SPAG16: variants seen among roughly 807,000 people sequenced by gnomAD.
The protein encoded by SPAG16 is sperm-associated antigen 16 protein.
SPAG16 carries 86 observed loss-of-function variants against 80.4 expected under a neutral mutation model. That is an observed-to-expected ratio of 1.07 (90% CI 0.90 to 1.28). The LOEUF (loss-of-function observed/expected upper bound fraction) is 1.28, where lower values mean the gene tolerates loss of function less well. Ranked by LOEUF, SPAG16 falls within the 50% of genes most tolerant of loss-of-function variation. SPAG16 has a pLI of 0.00. For missense variants in SPAG16, 870 were observed against 765.3 expected, an observed-to-expected ratio of 1.14 and a Z score of -1.61; for synonymous variants, 294 against 265.9, an observed-to-expected ratio of 1.11 and a Z score of -1.03.
intron 8 of SPAG16, 74 bp from the exon 9 acceptor site, chr2:213,374,936 T>C: frequency 9.1e-7 from 1 of 1,094,044 alleles, no homozygotes; most frequent in African/African-American, 1.6e-5. Context: ...GTTTTGGTTT[T>C]CATATTTTTG....
chr2:213,610,997 A>T (rs1194415053), intron 10 of SPAG16, among the ~76,000 whole-genome samples: 3 of 152,168 alleles, frequency 2.0e-5, no homozygotes, highest in Non-Finnish European at 4.4e-5. Context: ...AGAGGCCAGG[A>T]ACACCTTTCT....
chr2:213,456,126 G>T (rs2071997876), intron 9 of SPAG16, among the ~76,000 whole-genome samples: 1 of 152,152 alleles, frequency 6.6e-6, no homozygotes, highest in Admixed American at 6.5e-5. Context: ...TGTGCGTAAG[G>T]TATTTTAAAA....
At chr2:213,379,680 A>G (rs553368721) in intron 9 of SPAG16, among the ~76,000 whole-genome samples, 4 of 152,276 alleles carry the variant, frequency 2.6e-5, no homozygotes, top group African/African-American at 7.2e-5. Flanking sequence ...AGTATAATCA[A>G]TCTGCCATCA....
intron 9 of SPAG16, among the ~76,000 whole-genome samples, chr2:213,387,889 A>G (rs2125277322): frequency 6.6e-6 from 1 of 152,260 alleles, no homozygotes; most frequent in South Asian, 2.1e-4. Flanking sequence ...AAATATTATA[A>G]AGATCTAGTA....
intron 9 of SPAG16, among the ~76,000 whole-genome samples, chr2:213,382,105 G>A (rs1157108726): frequency 2.6e-5 from 4 of 151,996 alleles, no homozygotes; most frequent in African/African-American, 4.8e-5. Flanking sequence ...TCACAAAGCC[G>A]TAGGTATAGT....
chr2:213,969,558 C>T (rs1343726477), intron 12 of SPAG16, among the ~76,000 whole-genome samples: 1 of 152,134 alleles, frequency 6.6e-6, no homozygotes, highest in Non-Finnish European at 1.5e-5. Flanking sequence ...CCTTCCTTGC[C>T]TTCTGCTGTG....
chr2:214,212,474 T>C (rs1052064685), intron 15 of SPAG16, among the ~76,000 whole-genome samples: 3 of 152,152 alleles, frequency 2.0e-5, no homozygotes, highest in African/African-American at 7.2e-5. Flanking sequence ...CACTACCTGA[T>C]ACACGGGTTA....
At chr2:213,780,444 C>A (rs1342040685) in intron 10 of SPAG16, among the ~76,000 whole-genome samples, 1 of 151,924 alleles carries the variant, frequency 6.6e-6, no homozygotes, top group African/African-American at 2.4e-5. Flanking sequence ...GTACCTTTTT[C>A]TCTTATTATT....
At chr2:213,853,449 G>GAA (rs1013448530) in intron 10 of SPAG16, among the ~76,000 whole-genome samples, 1 of 151,950 alleles carries the variant, frequency 6.6e-6, no homozygotes, top group African/African-American at 2.4e-5. Flanking sequence ...TATTATAAAC[G>GAA]AAAAAAATCT....
chr2:214,139,424 G>A (rs182067716), intron 14 of SPAG16, among the ~76,000 whole-genome samples: 105 of 151,798 alleles, frequency 6.9e-4, no homozygotes, highest in South Asian at 1.7e-3. Flanking sequence ...TTCAAAGAGC[G>A]GCTTTTGATT....
rs375481487 is a variant in SPAG16 at position 213,284,544 on chromosome 2, A to G, written c.61A>G (p.Met21Val). 6.2e-7 allele frequency: 1 copy of G among 1,604,042 alleles called. No individual in the cohort carries two copies. The highest frequency in any genetic ancestry group is 8.5e-7 in the Non-Finnish European group (1 of 1,175,618). The change falls in exon 1 of 16, where the codon ATG becomes GTG. Residue 21 changes from methionine to valine, a missense_variant. By Grantham distance (21) the Met-to-Val change is conservative (BLOSUM62 1). Transcript: ENST00000331683. ...AVRVLEEALG[M>V]GLTAAGDARD... ...GAGGGTCCTGGAAGAGGCGTTGGGCATGGGTTTGACGGCAGCCGGGGACGC... is the reference window on the plus strand; with the variant it reads ...GAGGGTCCTGGAAGAGGCGTTGGGCGTGGGTTTGACGGCAGCCGGGGACGC...
At chr2:214,288,970 G>C (rs939764532) in intron 15 of SPAG16, among the ~76,000 whole-genome samples, 1 of 151,844 alleles carries the variant, frequency 6.6e-6, no homozygotes, top group African/African-American at 2.4e-5. Flanking sequence ...GGGTTTCACC[G>C]TGTTAGCCAG....
At chr2:214,256,180 T>C (rs1284568366) in intron 15 of SPAG16, among the ~76,000 whole-genome samples, 1 of 151,982 alleles carries the variant, frequency 6.6e-6, no homozygotes, top group East Asian at 1.9e-4. Flanking sequence ...AGTTTTATTT[T>C]GCCTTTCCCT....
chr2:214,236,459 C>A (rs1166389940), intron 15 of SPAG16, among the ~76,000 whole-genome samples: 1 of 152,088 alleles, frequency 6.6e-6, no homozygotes, highest in East Asian at 1.9e-4. Context: ...CGAGACCAAC[C>A]TGGCCAACAT....
Position 214,054,562 on chromosome 2 carries a change from AAATTATTAACT to A in SPAG16, c.1527+40486_1527+40496del, listed in dbSNP as rs1456298855. On this transcript the variant is annotated intron_variant, in intron 13 of 15. Coordinates refer to ENST00000331683, the MANE Select transcript of SPAG16 (RefSeq NM_024532.5). ...GACCCCAATGAAGAAAATATCCACC[AAATTATTAACT>A]TCAATGAGAATGAGAGTTGAGGCAT... Among the ~76,000 whole-genome samples the A allele has an allele frequency of 2.6e-5, 4 of 152,176 alleles. No homozygotes were observed. The East Asian group carries it at 7.7e-4, about 29-fold the overall frequency.
chr2:214,200,954 A>G (rs2057992290), intron 15 of SPAG16, among the ~76,000 whole-genome samples: 1 of 152,174 alleles, frequency 6.6e-6, no homozygotes. Context: ...GACACAGAGT[A>G]ATTGTAAAGA....
At chr2:213,633,086 G>T (rs1330952406) in intron 10 of SPAG16, among the ~76,000 whole-genome samples, 1 of 152,098 alleles carries the variant, frequency 6.6e-6, no homozygotes, top group Non-Finnish European at 1.5e-5. Context: ...CAGCAGTGAA[G>T]CCATCAGGTC....
chr2:214,225,228 A>T (rs1391631311), intron 15 of SPAG16, among the ~76,000 whole-genome samples: 2 of 152,178 alleles, frequency 1.3e-5, no homozygotes, highest in African/African-American at 4.8e-5. Flanking sequence ...AGCAAGGGAG[A>T]TGGAGCCAAA....
intron 10 of SPAG16, among the ~76,000 whole-genome samples, chr2:213,767,078 T>A (rs192597166): frequency 6.6e-6 from 1 of 152,326 alleles, no homozygotes; most frequent in Admixed American, 6.5e-5. Flanking sequence ...ATCCCTTACA[T>A]TCACTGATTG....
Sources: allele counts gnomAD v4.1 joint callset (sites outside exome capture counted in the v4.1 genomes callset), GRCh38; gene constraint gnomAD v4.1.1; transcripts MANE v1.5; gene names NCBI Gene and HGNC (gene_info 2026-07-23, HGNC 2026-07-21).